Variants in FLT3 observed in about 807,000 individuals in gnomAD.
FLT3 encodes receptor-type tyrosine-protein kinase FLT3.
Under a neutral mutation model 126.6 loss-of-function variants are expected in FLT3, and 46 were observed. The ratio of observed to expected loss-of-function variants is 0.36; its 90% CI spans 0.29 to 0.46. The LOEUF is 0.46. Among genes scored for constraint, FLT3 ranks in the 20% least tolerant of loss-of-function variants. The probability of loss-of-function intolerance (pLI) is 1.00; values close to 1 mark genes in which losing one functional copy is unlikely to be tolerated. For synonymous variants in FLT3, 404 were observed against 434.4 expected (o/e 0.93, Z 0.87); for missense variants, 1,069 against 1,190.3 (o/e 0.90, Z 1.50).
At chr13:28,022,122 C>G (rs560900000) in intron 19 of FLT3, among the ~76,000 whole-genome samples, 1 of 152,252 alleles carries the variant, frequency 6.6e-6, no homozygotes, top group Non-Finnish European at 1.5e-5. Context: ...ACTGCAGTTT[C>G]CAACTCCTGG....
chr13:28,004,124 T>C lies in FLT3; in HGVS notation c.2910A>G (p.Gln970=). The change falls in exon 24 of 24, where the codon CAA becomes CAG. Residue 970 remains glutamine, a synonymous_variant. Coordinates refer to ENST00000241453, the MANE Select transcript of FLT3 (RefSeq NM_004119.3). ...GRVSECPHTY[Q]NRRPFSREMD... Reference sequence around the variant, plus strand: ...TCTCTCTGCTGAAAGGTCGCCTGTTTTGGTAGGTGTGAGGACATTCCGAAA... The same window carrying C: ...TCTCTCTGCTGAAAGGTCGCCTGTTCTGGTAGGTGTGAGGACATTCCGAAA... 6.2e-7 allele frequency: 1 copy of C among 1,614,114 alleles called. No homozygotes were observed. Among genetic ancestry groups the C allele is most frequent in the Non-Finnish European group, 8.5e-7 (1 of 1,180,040 alleles).
In FLT3 at chr13:28,053,421, A is replaced by C. The variant is rs1875728136; in HGVS notation, c.485-747T>G. Among the ~76,000 whole-genome samples, 4 of 108,660 alleles carry C rather than the reference A, an allele frequency of 3.7e-5. No homozygotes were observed. In the South Asian group the frequency reaches 9.7e-4, roughly 26 times the overall value. The allele number at this position is 108,660 out of a possible 152,430, so 71.3% of individuals were successfully genotyped here. A position where few individuals can be genotyped will look rare whatever the true frequency, so the allele number is the denominator to read the frequency against. Reference sequence around the variant, plus strand: ...TGATATATATATATATATATGAAAGAATATATGGAGTGTAAATTTCAAAGC... The same window carrying C: ...TGATATATATATATATATATGAAAGCATATATGGAGTGTAAATTTCAAAGC... On this transcript the variant is annotated intron_variant, in intron 4 of 23. Coordinates refer to ENST00000241453, the MANE Select transcript of FLT3 (RefSeq NM_004119.3).
chr13:28,031,378 T>C (rs531126079), intron 15 of FLT3, among the ~76,000 whole-genome samples: 1 of 152,116 alleles, frequency 6.6e-6, no homozygotes, highest in East Asian at 1.9e-4. Flanking sequence ...GCCAGGTGAC[T>C]CATGGTGGAA....
At chr13:28,036,715 C>T (rs948053473) in intron 10 of FLT3, among the ~76,000 whole-genome samples, 1 of 152,170 alleles carries the variant, frequency 6.6e-6, no homozygotes, top group Admixed American at 6.6e-5. Context: ...CAGTGGCTCT[C>T]GCCTGTAATC....
intron 4 of FLT3, among the ~76,000 whole-genome samples, 182 bp downstream of exon 4, chr13:28,057,165 T>C (rs536080592): frequency 4.2e-4 from 64 of 152,296 alleles, no homozygotes; most frequent in African/African-American, 1.1e-3. Context: ...CAGTGATTCA[T>C]CAGTGATTCT....
At chr13:28,022,029 G>A (rs183966630) in intron 19 of FLT3, among the ~76,000 whole-genome samples, 6 of 150,432 alleles carry the variant, frequency 4.0e-5, no homozygotes, top group African/African-American at 9.7e-5. Flanking sequence ...GAGCTACCAC[G>A]CCCGGCTGCC....
At chr13:28,091,567 C>A (rs186519895) in intron 1 of FLT3, among the ~76,000 whole-genome samples, 14 of 152,076 alleles carry the variant, frequency 9.2e-5, no homozygotes, top group African/African-American at 3.1e-4. Context: ...CTGGGTAACT[C>A]CAAGGTTTCA....
chr13:28,024,947 T>C lies in FLT3; in HGVS notation c.2208-4A>G, dbSNP rs752501348. The C allele has an allele frequency of 1.3e-6, 2 of 1,595,220 alleles. No homozygotes were observed. The highest frequency in any genetic ancestry group is 2.7e-5 in the African/African-American group (2 of 74,180). On this transcript the variant is annotated splice_polypyrimidine_tract_variant and splice_region_variant and intron_variant, in intron 17 of 23. Transcript: ENST00000241453. ...AACTTCTCTTGAACCAGGCATGCTA[T>C]TAAAAAATTTTGTTTTTTCATTATT...
At chr13:28,052,034 T>A (rs1371802592) in intron 5 of FLT3, among the ~76,000 whole-genome samples, 1 of 151,850 alleles carries the variant, frequency 6.6e-6, no homozygotes, top group African/African-American at 2.4e-5. Flanking sequence ...AAAATCCTTG[T>A]CCTCCCTGTG....
chr13:28,026,046 G>T (rs1337109505), intron 17 of FLT3, among the ~76,000 whole-genome samples: 1 of 152,114 alleles, frequency 6.6e-6, no homozygotes, highest in East Asian at 1.9e-4. Context: ...TACAGGGAGG[G>T]AAATAAGAAC....
intron 9 of FLT3, among the ~76,000 whole-genome samples, chr13:28,047,169 A>AT (rs1420223255): frequency 6.6e-6 from 1 of 152,184 alleles, no homozygotes; most frequent in Non-Finnish European, 1.5e-5. Context: ...AGGAATCCAC[A>AT]TTTTAAACAT....
At chr13:28,077,194 G>A (rs929010705) in intron 1 of FLT3, among the ~76,000 whole-genome samples, 18 of 152,178 alleles carry the variant, frequency 1.2e-4, no homozygotes, top group Non-Finnish European at 5.9e-5. Context: ...TAGTGTGTGT[G>A]AGAAGCATGA....
intron 2 of FLT3, among the ~76,000 whole-genome samples, chr13:28,063,233 C>T (rs914087583): frequency 2.0e-5 from 3 of 152,124 alleles, no homozygotes; most frequent in African/African-American, 4.8e-5. Context: ...AATTCCAGCA[C>T]TTTGGGAGGC....
chr13:28,025,034 C>T (rs1008186108), intron 17 of FLT3, 91 bp from the exon 18 acceptor site: 5 of 762,578 alleles, frequency 6.6e-6, no homozygotes, highest in Non-Finnish European at 1.1e-5. Flanking sequence ...TAAATGGATT[C>T]CAGTTATAAA....
In FLT3 at chr13:28,047,973, C is replaced by G. The variant is rs1347836517; in HGVS notation, c.1205+302G>C. Among the ~76,000 whole-genome samples the G allele has an allele frequency of 2.0e-5, 3 of 152,144 alleles. No homozygotes were observed. The East Asian group carries it at 5.8e-4, about 29-fold the overall frequency. On this transcript the variant is annotated intron_variant, in intron 9 of 23. Transcript: ENST00000241453. ...GACTCAGTGTCCTACACACCGCACT[C>G]TCAAACAGGAAGTAAAAACTACCTT...
At chr13:28,044,531 T>C (rs998399192) in intron 9 of FLT3, among the ~76,000 whole-genome samples, 5 of 151,660 alleles carry the variant, frequency 3.3e-5, no homozygotes, top group Non-Finnish European at 5.9e-5. Context: ...CATCTCAACA[T>C]AGAGCCTCAT....
rs776576377 is a variant in FLT3, at chr13:28,034,384, T to G, written c.1621A>C (p.Asn541His). The part of the protein sequence containing the change: ...SPGPFPFIQD[N>H]ISFYATIGVC... Reference sequence around the variant, plus strand: ...CCAATTGTTGCATAGAATGAGATGTTGTCTTGGATGAAAGGGAAGGGGCCT... The same window carrying G: ...CCAATTGTTGCATAGAATGAGATGTGGTCTTGGATGAAAGGGAAGGGGCCT... Residue 541 changes from asparagine to histidine, a missense_variant, in exon 13 of 24, where the codon AAC becomes CAC. By Grantham distance (68) the Asn-to-His change is moderately conservative. Coordinates refer to ENST00000241453, the MANE Select transcript of FLT3 (RefSeq NM_004119.3). 6.2e-7 allele frequency: 1 copy of G among 1,613,912 alleles called. No homozygotes were observed. The highest frequency in any genetic ancestry group is 8.5e-7 in the Non-Finnish European group (1 of 1,179,788).
rs73154830 is a variant in FLT3, at chr13:28,053,183, C to A, written c.485-509G>T. ...TCCCACTCACCCTGGATCACACACA[C>A]ACACACACACACACCATCCTTCACT... On this transcript the variant is annotated intron_variant, in intron 4 of 23. Transcript: ENST00000241453. Among the ~76,000 whole-genome samples, 1,122 of 151,878 alleles carry A rather than the reference C, an allele frequency of 7.4e-3. 6 individuals carry two copies. The highest frequency in any genetic ancestry group is 0.013 in the Non-Finnish European group (858 of 67,954).
At chr13:28,007,524 G>A (rs1022907745) in intron 23 of FLT3, among the ~76,000 whole-genome samples, 2 of 152,214 alleles carry the variant, frequency 1.3e-5, no homozygotes, top group African/African-American at 4.8e-5. Flanking sequence ...TGGGATTACA[G>A]GCGTGAGCCA....
Sources: allele counts gnomAD v4.1 joint callset (sites outside exome capture counted in the v4.1 genomes callset), GRCh38; gene constraint gnomAD v4.1.1; transcripts MANE v1.5; gene names NCBI Gene and HGNC (gene_info 2026-07-23, HGNC 2026-07-21).